ZP4: variants seen among roughly 807,000 people sequenced by gnomAD.
ZP4 encodes the protein zona pellucida sperm-binding protein 4.
ZP4 carries 62 observed loss-of-function variants against 62.3 expected under a neutral mutation model. The observed-to-expected ratio is 0.99, with a 90% CI of 0.81 to 1.23. ZP4 has a LOEUF of 1.23. ZP4 is among the 50% of genes most tolerant of loss of function. The pLI is 0.00. For synonymous variants in ZP4, 289 were observed against 247.3 expected, an observed-to-expected ratio of 1.17 and a Z score of -1.58; for missense variants, 774 against 656.0, an observed-to-expected ratio of 1.18 and a Z score of -1.97.
chr1:237,882,860 G>T lies in ZP4; in HGVS notation c.1391-14C>A, dbSNP rs748418898. 6.2e-7 allele frequency: 1 copy of T among 1,606,930 alleles called. No individual in the cohort carries two copies. The highest frequency in any genetic ancestry group is 8.5e-7 in the Non-Finnish European group (1 of 1,174,372). ...AATTTCTTCTTCCTGTTAGAGAAAT[G>T]AGACCTAGTAATTCATTAGTTTTTG... On this transcript the variant is annotated splice_polypyrimidine_tract_variant and intron_variant, in intron 10 of 11. Transcript: ENST00000366570.
At chr1:237,887,767 G>T (rs568665669) in intron 4 of ZP4, among the ~76,000 whole-genome samples, 4 of 152,290 alleles carry the variant, frequency 2.6e-5, no homozygotes, top group African/African-American at 9.6e-5. Flanking sequence ...CTGACTTATT[G>T]TGTGACCTCA....
At position 237,886,898 on chromosome 1, in the gene ZP4, A is replaced by C. The variant is rs1571933634; in HGVS notation, c.742-30T>G. On this transcript the variant is annotated intron_variant, in intron 5 of 11. Transcript: ENST00000366570. ...AGGAATAGATGGAGAAGTCTTGATC[A>C]TTTCTGTTAGTGTTATGCTGCTTGA... 2.3e-5 allele frequency: 37 copies of C among 1,591,282 alleles called. No homozygotes were observed. The East Asian group carries it at 8.3e-4, about 36-fold the overall frequency.
intron 3 of ZP4, among the ~76,000 whole-genome samples, chr1:237,889,135 A>G (rs1037449408): frequency 1.3e-5 from 2 of 152,086 alleles, no homozygotes; most frequent in African/African-American, 2.4e-5. Flanking sequence ...TCCTAGTCTC[A>G]GTGCACATCT....
In ZP4 at chr1:237,885,148, G is replaced by A. The variant is rs1269981115; in HGVS notation, c.1311+17C>T. ...GGTTCAGAGCCCTGGTGAGTGTCATGGAAGGGAACATCCTACCGGTCCCCT... is the reference window on the plus strand; with the variant it reads ...GGTTCAGAGCCCTGGTGAGTGTCATAGAAGGGAACATCCTACCGGTCCCCT... On this transcript the variant is annotated intron_variant, in intron 9 of 11. Transcript: ENST00000366570. The A allele has an allele frequency of 6.2e-7, 1 of 1,611,014 alleles. No individual in the cohort carries two copies. The highest frequency in any genetic ancestry group is 1.3e-5 in the African/African-American group (1 of 74,832).
At chr1:237,883,710 AGGGCGGGGGAGGGCGG>A (rs1664983032) in intron 10 of ZP4, among the ~76,000 whole-genome samples, 2 of 17,482 alleles carry the variant, frequency 1.1e-4, no homozygotes, top group Non-Finnish European at 1.0e-4. Context: ...AGGGCGGGGG[AGGGCGGGGGAGGGCGG>A]GGGAGGGAGA....
chr1:237,890,084 T>A lies in ZP4; in HGVS notation c.268A>T (p.Thr90Ser). The A allele has an allele frequency of 6.2e-7, 1 of 1,614,060 alleles. No individual in the cohort carries two copies. Among genetic ancestry groups the A allele is most frequent in the South Asian group, 1.1e-5 (1 of 91,070 alleles). Residue 90 changes from threonine to serine, a missense_variant, in exon 2 of 12, where the codon ACC (threonine) becomes TCC (serine). By Grantham distance (58) the Thr-to-Ser change is moderately conservative. Transcript: ENST00000366570. ...GPGSSVVLEA[T>S]YSSCYVTEWD... ...TCAGTGACATAGCAGCTGCTATAGG[T>A]TGCCTCCAACACCACGGAGCTGCCT... is the stretch of plus-strand genomic sequence containing the variant.
chr1:237,885,849 A>T lies in ZP4; in HGVS notation c.877T>A (p.Ser293Thr). 4.3e-6 allele frequency: 7 copies of T among 1,614,126 alleles called. No individual in the cohort carries two copies. Among genetic ancestry groups the T allele is most frequent in the Non-Finnish European group, 5.9e-6 (7 of 1,180,002 alleles). ...VSCSYSVSSN[S>T]LPINVQVFTL... Reference sequence around the variant, plus strand: ...AAAACCTGGACATTGATTGGGAGAGAGTTGCTACTTACTGAGTAGCTGCAG... The same window carrying T: ...AAAACCTGGACATTGATTGGGAGAGTGTTGCTACTTACTGAGTAGCTGCAG... The change falls in exon 7 of 12, where the codon TCT becomes ACT. Residue 293 changes from serine (S) to threonine (T), a missense_variant. Physicochemically the swap from Ser to Thr is moderately conservative, Grantham distance 58. Transcript: ENST00000366570.
intron 4 of ZP4, 136 bp downstream of exon 4, chr1:237,888,222 C>G (rs1451120803): frequency 1.2e-6 from 1 of 801,862 alleles, no homozygotes; most frequent in African/African-American, 1.7e-5. Context: ...ACATTGGGAT[C>G]AAGTGTTCTT....
rs1558533311 is a variant in ZP4, at chr1:237,886,839, AT to A, written c.770del (p.Asn257MetfsTer9). On this transcript the variant is annotated frameshift_variant, in exon 6 of 12. Coordinates refer to ENST00000366570, the MANE Select transcript of ZP4 (RefSeq NM_021186.5). LOFTEE classifies it high-confidence loss of function. ...TCACATCCCTAGTTGCCACCAGTTC[AT>A]TTTCATATACTGCTCGGTCTCCAGT... is the stretch of plus-strand genomic sequence containing the variant. ...QITGDRAVYE[N>X]ELVATRDVKN... The A allele has an allele frequency of 1.2e-6, 2 of 1,614,016 alleles. No individual in the cohort carries two copies. Among genetic ancestry groups the A allele is most frequent in the South Asian group, 1.1e-5 (1 of 91,070 alleles).
chr1:237,885,124 G>T lies in ZP4; in HGVS notation c.1311+41C>A, dbSNP rs529902072. The T allele has an allele frequency of 1.4e-4, 219 of 1,600,922 alleles. 1 individual carries two copies. In the South Asian group the frequency reaches 2.4e-3, roughly 18 times the overall value. ...ATGGAAACAGTTGTAAGTTGGGGAGGTTCAGAGCCCTGGTGAGTGTCATGG... is the reference window on the plus strand; with the variant it reads ...ATGGAAACAGTTGTAAGTTGGGGAGTTTCAGAGCCCTGGTGAGTGTCATGG... On this transcript the variant is annotated intron_variant, in intron 9 of 11. Transcript: ENST00000366570.
intron 9 of ZP4, 109 bp downstream of exon 9, chr1:237,885,056 T>C (rs1163927763): frequency 2.0e-6 from 3 of 1,470,190 alleles, no homozygotes; most frequent in East Asian, 2.3e-5. Flanking sequence ...TCAGTACCAA[T>C]AGCCAGCATT....
chr1:237,885,771 G>A lies in ZP4; in HGVS notation c.955C>T (p.Leu319Phe). 1.2e-6 allele frequency: 2 copies of A among 1,614,098 alleles called. No homozygotes were observed. The highest frequency in any genetic ancestry group is 1.7e-6 in the Non-Finnish European group (2 of 1,180,004). Residue 319 changes from leucine to phenylalanine, a missense_variant, in exon 7 of 12, where the codon CTT (leucine) becomes TTT (phenylalanine). Coordinates refer to ENST00000366570, the MANE Select transcript of ZP4 (RefSeq NM_021186.5). The part of the protein sequence containing the change: ...ETQPGPLTLE[L>F]QIAKDKNYGS... ...GGGGTCATACCTTTGGCAATCTGAA[G>A]TTCCAGAGTGAGGGGTCCAGGCTGG...
intron 10 of ZP4, 128 bp downstream of exon 10, chr1:237,884,641 C>T (rs75316020): frequency 0.022 from 17,176 of 791,598 alleles, 655 homozygotes; most frequent in African/African-American, 0.14. Context: ...TCTATGGCAC[C>T]GCAAGTACTT....
Position 237,885,854 on chromosome 1 carries a change from C to G in ZP4, c.872G>C (p.Ser291Thr). The change falls in exon 7 of 12, where the codon AGC becomes ACC. Residue 291 changes from serine to threonine, a missense_variant. Physicochemically the swap from Ser to Thr is moderately conservative, Grantham distance 58. Transcript: ENST00000366570. ...LHVSCSYSVS[S>T]NSLPINVQVF... ...CTGGACATTGATTGGGAGAGAGTTG[C>G]TACTTACTGAGTAGCTGCAGCTGAC... The G allele has an allele frequency of 6.2e-7, 1 of 1,614,134 alleles. No individual in the cohort carries two copies. Among genetic ancestry groups the G allele is most frequent in the Non-Finnish European group, 8.5e-7 (1 of 1,180,030 alleles).
At chr1:237,884,045 CACACACAA>C (rs1307460914) in intron 10 of ZP4, among the ~76,000 whole-genome samples, 6 of 136,040 alleles carry the variant, frequency 4.4e-5, no homozygotes, top group African/African-American at 2.1e-4. Context: ...CACACACAAA[CACACACAA>C]ACACACACAA....
intron 3 of ZP4, among the ~76,000 whole-genome samples, chr1:237,889,252 C>T (rs1306620724): frequency 6.6e-6 from 1 of 152,060 alleles, no homozygotes; most frequent in Admixed American, 6.5e-5. Context: ...TTCTTTGAAT[C>T]CCAGCTCAGT....
In ZP4 at chr1:237,885,622, A is replaced by G. The variant is rs577627424; in HGVS notation, c.971-42T>C. 5.2e-4 allele frequency: 836 copies of G among 1,602,868 alleles called. 14 individuals carry two copies. The South Asian group carries it at 8.9e-3, about 17-fold the overall frequency. ...TAAGGATTTGAAGTAGTAATCTCTC[A>G]GTGACTTGAGGGACTGTCACCCCTT... is the stretch of plus-strand genomic sequence containing the variant. On this transcript the variant is annotated intron_variant, in intron 7 of 11. Transcript: ENST00000366570.
intron 9 of ZP4, 144 bp downstream of exon 9, chr1:237,885,021 A>T: frequency 8.0e-7 from 1 of 1,253,886 alleles, no homozygotes; most frequent in Non-Finnish European, 1.1e-6. Context: ...TCACTCATGT[A>T]ATTAGTAACA....
chr1:237,889,381 C>T (rs532337397), intron 3 of ZP4, among the ~76,000 whole-genome samples: 5 of 150,458 alleles, frequency 3.3e-5, no homozygotes, highest in Admixed American at 2.7e-4. Flanking sequence ...TGCAAGGGCA[C>T]GATCTCAGCT....
Sources: gnomAD v4.1 joint callset for allele counts (sites outside exome capture counted in the v4.1 genomes callset) on GRCh38, gnomAD v4.1.1 for gene constraint, MANE v1.5 for transcripts, NCBI Gene and HGNC (gene_info 2026-07-23, HGNC 2026-07-21) for gene names.